The following ANKS1B variants were observed in gnomAD, a reference collection of about 807,000 sequenced individuals.
ANKS1B encodes the protein ankyrin repeat and sterile alpha motif domain-containing protein 1B.
A neutral mutation model predicts 148.3 loss-of-function variants in ANKS1B; 36 were observed. That is an observed-to-expected ratio of 0.24 (90% CI 0.19 to 0.32). The LOEUF (loss-of-function observed/expected upper bound fraction) is 0.32, where lower values mean the gene tolerates loss of function less well. Among genes scored for constraint, ANKS1B ranks in the 10% least tolerant of loss-of-function variants. The pLI is 1.00. For synonymous variants in ANKS1B, 542 were observed against 560.8 expected (o/e 0.97, Z 0.47); for missense variants, 1,157 against 1,542.6 (o/e 0.75, Z 4.19).
intron 9 of ANKS1B, among the ~76,000 whole-genome samples, chr12:99,538,144 G>A (rs2097091740): frequency 6.6e-6 from 1 of 152,034 alleles, no homozygotes; most frequent in Admixed American, 6.6e-5. Flanking sequence ...GTGTCATACT[G>A]TTTTGGTTAT....
At chr12:99,799,471 A>C (rs757595251) in intron 4 of ANKS1B, among the ~76,000 whole-genome samples, 2 of 151,954 alleles carry the variant, frequency 1.3e-5, no homozygotes, top group Admixed American at 6.6e-5. Flanking sequence ...TATCATTTTT[A>C]TGTTGTTTAT....
chr12:99,843,059 T>C (rs1351330861), intron 1 of ANKS1B, among the ~76,000 whole-genome samples: 1 of 152,096 alleles, frequency 6.6e-6, no homozygotes, highest in Non-Finnish European at 1.5e-5. Context: ...GTTTGTTTGT[T>C]TGTATTAAGG....
chr12:99,111,675 G>T (rs915488171), intron 15 of ANKS1B, among the ~76,000 whole-genome samples: 1 of 152,070 alleles, frequency 6.6e-6, no homozygotes, highest in African/African-American at 2.4e-5. Flanking sequence ...GTTGATTAAG[G>T]GTTAGCAATT....
intron 14 of ANKS1B, among the ~76,000 whole-genome samples, chr12:99,175,043 G>A (rs2078224375): frequency 6.6e-6 from 1 of 152,176 alleles, no homozygotes; most frequent in South Asian, 2.1e-4. Flanking sequence ...AATCAGCTCA[G>A]TAGCATTTAC....
intron 9 of ANKS1B, among the ~76,000 whole-genome samples, chr12:99,609,601 G>C (rs2097882802): frequency 6.6e-6 from 1 of 151,576 alleles, no homozygotes; most frequent in Non-Finnish European, 1.5e-5. Context: ...AGCATTCAGG[G>C]ACCTCATCCA....
At chr12:99,029,005 C>T (rs367869058) in intron 17 of ANKS1B, among the ~76,000 whole-genome samples, 3 of 152,288 alleles carry the variant, frequency 2.0e-5, no homozygotes, top group East Asian at 3.9e-4. Context: ...AAAAAGTTTT[C>T]ATGCAGCAGA....
intron 14 of ANKS1B, among the ~76,000 whole-genome samples, chr12:99,202,879 C>T (rs1160920782): frequency 2.0e-5 from 3 of 152,160 alleles, no homozygotes; most frequent in Non-Finnish European, 4.4e-5. Context: ...GTCTTTATTC[C>T]TGTAGTCTCA....
chr12:99,294,812 C>T (rs1566829943), intron 12 of ANKS1B, among the ~76,000 whole-genome samples: 1 of 152,108 alleles, frequency 6.6e-6, no homozygotes, highest in Non-Finnish European at 1.5e-5. Flanking sequence ...TGCCACCACG[C>T]CCGGCTAATT....
chr12:99,073,369 T>C (rs1055161509), intron 16 of ANKS1B, among the ~76,000 whole-genome samples: 2 of 152,202 alleles, frequency 1.3e-5, no homozygotes, highest in Non-Finnish European at 2.9e-5. Flanking sequence ...GCTCTAAAGA[T>C]GTGTCTTTGC....
At chr12:99,260,466 CAA>C (rs1158416717) in intron 12 of ANKS1B, among the ~76,000 whole-genome samples, 7 of 152,236 alleles carry the variant, frequency 4.6e-5, no homozygotes, top group African/African-American at 1.7e-4. Context: ...ATACGTATCT[CAA>C]GAGATACTTC....
At chr12:99,277,114 A>G (rs536179069) in intron 12 of ANKS1B, among the ~76,000 whole-genome samples, 2 of 152,324 alleles carry the variant, frequency 1.3e-5, no homozygotes, top group East Asian at 3.9e-4. Flanking sequence ...TTCAAGTACA[A>G]AAGAGAACTT....
chr12:98,959,430 C>T (rs574002503), intron 17 of ANKS1B, among the ~76,000 whole-genome samples: 8 of 152,300 alleles, frequency 5.3e-5, no homozygotes, highest in African/African-American at 1.9e-4. Flanking sequence ...CTAAGGCCCA[C>T]AGCCCCTTAG....
chr12:98,961,241 G>T (rs1430569037), intron 17 of ANKS1B, among the ~76,000 whole-genome samples: 1 of 152,008 alleles, frequency 6.6e-6, no homozygotes, highest in Non-Finnish European at 1.5e-5. Flanking sequence ...ATAAAGAAAG[G>T]TTCGGAAGAA....
intron 8 of ANKS1B, among the ~76,000 whole-genome samples, chr12:99,762,857 A>T (rs2062271545): frequency 6.6e-6 from 1 of 152,172 alleles, no homozygotes; most frequent in Non-Finnish European, 1.5e-5. Context: ...GGACATGAAA[A>T]GAAGATATAC....
At chr12:98,891,506 AT>A (rs962473761) in intron 17 of ANKS1B, among the ~76,000 whole-genome samples, 1 of 152,170 alleles carries the variant, frequency 6.6e-6, no homozygotes, top group African/African-American at 2.4e-5. Context: ...AGAAAGGTTA[AT>A]TTTTGCATAA....
At chr12:98,800,150 C>T (rs2098988941) in intron 21 of ANKS1B, among the ~76,000 whole-genome samples, 1 of 145,028 alleles carries the variant, frequency 6.9e-6, no homozygotes, top group African/African-American at 2.6e-5. Context: ...TGGGCAGTAC[C>T]ACTGAAATAA....
At chr12:99,334,181 GATAGATAGATAC>G (rs1288335628) in intron 12 of ANKS1B, among the ~76,000 whole-genome samples, 12 of 147,714 alleles carry the variant, frequency 8.1e-5, no homozygotes, top group African/African-American at 3.2e-4. Flanking sequence ...CAGACAGACA[GATAGATAGATAC>G]ATAGATACAT....
At chr12:99,702,290 A>G (rs1567675104) in intron 8 of ANKS1B, among the ~76,000 whole-genome samples, 1 of 152,162 alleles carries the variant, frequency 6.6e-6, no homozygotes, top group African/African-American at 2.4e-5. Flanking sequence ...CTGATGATCA[A>G]TGATGTTGAG....
At chr12:99,496,050 C>T (rs2096601203) in intron 10 of ANKS1B, among the ~76,000 whole-genome samples, 1 of 149,364 alleles carries the variant, frequency 6.7e-6, no homozygotes, top group South Asian at 2.1e-4. Context: ...TCTTGGCATG[C>T]AGCTGCTGAA....
Sources: allele counts gnomAD v4.1 joint callset (sites outside exome capture counted in the v4.1 genomes callset), GRCh38; gene constraint gnomAD v4.1.1; transcripts MANE v1.5; gene names NCBI Gene and HGNC (gene_info 2026-07-23, HGNC 2026-07-21).